Variants in TENM2 observed in about 807,000 individuals in gnomAD.
The protein encoded by TENM2 is teneurin transmembrane protein 2, also known as teneurin-2.
TENM2 carries 52 observed loss-of-function variants against 245.2 expected under a neutral mutation model. The observed-to-expected ratio is 0.21, with a 90% CI of 0.17 to 0.27. The LOEUF (loss-of-function observed/expected upper bound fraction) is 0.27, where lower values mean the gene tolerates loss of function less well. TENM2 is among the 10% of genes least tolerant of loss of function. The pLI is 1.00. For missense variants in TENM2, 3,046 were observed against 3,666.8 expected, an observed-to-expected ratio of 0.83 and a Z score of 4.37; for synonymous variants, 1,363 against 1,438.9, an observed-to-expected ratio of 0.95 and a Z score of 1.19.
the TENM2 span, among the ~76,000 whole-genome samples, chr5:167,105,509 C>G: frequency 6.6e-6 from 1 of 152,078 alleles, no homozygotes; most frequent in Non-Finnish European, 1.5e-5. Flanking sequence ...TTTTAGATTG[C>G]TGTTGGACAG....
At chr5:167,700,498 G>A (rs73384971) in intron 2 of TENM2, among the ~76,000 whole-genome samples, 6,790 of 152,196 alleles carry the variant, frequency 0.045, 512 homozygotes, top group African/African-American at 0.15. Flanking sequence ...TGACCTATGA[G>A]ATTGTTAAAC....
At chr5:167,417,029 T>C (rs933325615) in intron 2 of TENM2, among the ~76,000 whole-genome samples, 1 of 152,198 alleles carries the variant, frequency 6.6e-6, no homozygotes, top group African/African-American at 2.4e-5. Context: ...TAATCTATAA[T>C]CAAATATTGT....
At position 167,709,715 on chromosome 5, in the gene TENM2, G is replaced by A. The variant is rs971592679; in HGVS notation, c.503-166271G>A. On this transcript the variant is annotated intron_variant, in intron 2 of 28. Transcript: ENST00000518659. The stretch of plus-strand genomic sequence containing the variant: ...TTCCTTGACCACACGAAAGAACATG[G>A]CTGTTGACACCCCAAAGTTTTACAC... Among the ~76,000 whole-genome samples, 3 of 152,138 alleles carry A rather than the reference G, an allele frequency of 2.0e-5. No individual in the cohort carries two copies. In the South Asian group the frequency reaches 6.2e-4, roughly 32 times the overall value.
intron 2 of TENM2, among the ~76,000 whole-genome samples, chr5:167,663,141 G>GGAGAGAGAGAGA (rs544699415): frequency 4.4e-3 from 483 of 108,580 alleles, no homozygotes; most frequent in Middle Eastern, 0.015. Context: ...ATGGGGATGG[G>GGAGAGAGAGAGA]GAGAGAGAGA....
At chr5:167,820,325 G>C (rs1046259232) in intron 2 of TENM2, among the ~76,000 whole-genome samples, 2 of 152,194 alleles carry the variant, frequency 1.3e-5, no homozygotes, top group Non-Finnish European at 2.9e-5. Context: ...GTGTTTTCCA[G>C]AGCCTAGAGC....
At chr5:167,568,071 T>C (rs926966026) in intron 2 of TENM2, among the ~76,000 whole-genome samples, 2 of 151,912 alleles carry the variant, frequency 1.3e-5, no homozygotes, top group African/African-American at 4.8e-5. Flanking sequence ...GACCTAGTAA[T>C]ATTAGAAGAA....
intron 2 of TENM2, among the ~76,000 whole-genome samples, chr5:167,738,635 A>G (rs1237073147): frequency 3.3e-5 from 5 of 152,208 alleles, no homozygotes; most frequent in Non-Finnish European, 7.3e-5. Flanking sequence ...TGAGTGGCTC[A>G]GACAACAGAA....
At chr5:167,554,289 C>T (rs1258823536) in intron 2 of TENM2, among the ~76,000 whole-genome samples, 1 of 152,148 alleles carries the variant, frequency 6.6e-6, no homozygotes, top group East Asian at 1.9e-4. Flanking sequence ...GCATTATACT[C>T]TAAATAGAAA....
chr5:167,899,236 G>T (rs1287521313), intron 3 of TENM2, among the ~76,000 whole-genome samples: 3 of 152,064 alleles, frequency 2.0e-5, no homozygotes, highest in Non-Finnish European at 4.4e-5. Flanking sequence ...AGCAAAAGGG[G>T]CAAGAGTTAG....
chr5:167,246,978 G>A, the TENM2 span, among the ~76,000 whole-genome samples: 1 of 151,996 alleles, frequency 6.6e-6, no homozygotes, highest in African/African-American at 2.4e-5. Context: ...AGGATGGAAA[G>A]TATTAAAATA....
chr5:167,696,825 C>A (rs912967299), intron 2 of TENM2, among the ~76,000 whole-genome samples: 1 of 152,164 alleles, frequency 6.6e-6, no homozygotes, highest in African/African-American at 2.4e-5. Flanking sequence ...TGGAACCATT[C>A]CTTACTTCCC....
At chr5:167,539,002 A>C (rs569109246) in intron 2 of TENM2, among the ~76,000 whole-genome samples, 1 of 152,250 alleles carries the variant, frequency 6.6e-6, no homozygotes, top group East Asian at 1.9e-4. Context: ...AGAAAACGAT[A>C]ATCTCATCGT....
chr5:167,209,997 G>T, the TENM2 span, among the ~76,000 whole-genome samples: 3 of 152,138 alleles, frequency 2.0e-5, no homozygotes, highest in Non-Finnish European at 4.4e-5. Flanking sequence ...CCATGCCCTG[G>T]TGTCTTAAAT....
chr5:167,087,005 T>C, the TENM2 span, among the ~76,000 whole-genome samples: 3 of 151,694 alleles, frequency 2.0e-5, no homozygotes, highest in African/African-American at 7.3e-5. Flanking sequence ...TGTGATTTAA[T>C]TGATCTGGGG....
At chr5:167,531,901 C>G (rs903597744) in intron 2 of TENM2, among the ~76,000 whole-genome samples, 2 of 152,154 alleles carry the variant, frequency 1.3e-5, no homozygotes, top group Admixed American at 1.3e-4. Flanking sequence ...TATTACCCAG[C>G]ACGTTGTCTT....
chr5:168,257,579 C>T (rs1291235212), intron 27 of TENM2, among the ~76,000 whole-genome samples: 1 of 150,306 alleles, frequency 6.7e-6, no homozygotes, highest in Non-Finnish European at 1.5e-5. Flanking sequence ...CCCTGGGGTG[C>T]TCTGAACTTC....
chr5:167,578,239 G>A (rs1438782762), intron 2 of TENM2, among the ~76,000 whole-genome samples: 1 of 152,290 alleles, frequency 6.6e-6, no homozygotes, highest in Non-Finnish European at 1.5e-5. Context: ...CTATTCTTCC[G>A]TTAAATTGCA....
chr5:168,252,366 A>C (rs1767193386), intron 27 of TENM2, among the ~76,000 whole-genome samples: 1 of 28,396 alleles, frequency 3.5e-5, no homozygotes, highest in African/African-American at 8.6e-5. Context: ...ACCCTGTCTC[A>C]AAAAAAAAAA....
At chr5:167,476,130 T>C (rs1767355508) in intron 2 of TENM2, among the ~76,000 whole-genome samples, 1 of 152,216 alleles carries the variant, frequency 6.6e-6, no homozygotes, top group African/African-American at 2.4e-5. Flanking sequence ...CATACAGATA[T>C]ATAGATTGAA....
Sources: gnomAD v4.1 joint callset for allele counts (sites outside exome capture counted in the v4.1 genomes callset) on GRCh38, gnomAD v4.1.1 for gene constraint, MANE v1.5 for transcripts, NCBI Gene and HGNC (gene_info 2026-07-23, HGNC 2026-07-21) for gene names.